Variants in SORT1 observed in about 807,000 individuals in gnomAD.
SORT1 encodes the protein sortilin 1.
Under a neutral mutation model 101.7 loss-of-function variants are expected in SORT1, and 39 were observed. The ratio of observed to expected loss-of-function variants is 0.38; its 90% CI spans 0.30 to 0.50. The LOEUF is 0.50. Among genes scored for constraint, SORT1 ranks in the 20% least tolerant of loss-of-function variants. SORT1 has a pLI of 0.90. For missense variants in SORT1, 878 were observed against 1,040.4 expected (o/e 0.84, Z 2.15); for synonymous variants, 396 against 393.7 (o/e 1.01, Z -0.07).
chr1:109,346,618 G>A (rs546195827), intron 7 of SORT1, among the ~76,000 whole-genome samples: 124 of 151,760 alleles, frequency 8.2e-4, no homozygotes, highest in African/African-American at 2.9e-3. Context: ...GGTGACAGGC[G>A]TCTGTAGTCC....
intron 15 of SORT1, among the ~76,000 whole-genome samples, chr1:109,318,930 C>G (rs544077684): frequency 6.6e-6 from 1 of 152,154 alleles, no homozygotes; most frequent in Non-Finnish European, 1.5e-5. Context: ...CAGGCGTGAA[C>G]CACTGTGCCT....
intron 3 of SORT1, among the ~76,000 whole-genome samples, chr1:109,363,289 T>A (rs970431629): frequency 1.3e-5 from 2 of 152,180 alleles, no homozygotes; most frequent in African/African-American, 4.8e-5. Flanking sequence ...CAAATTATCA[T>A]CTTAATTGTA....
rs372322263 is a variant in SORT1, at chr1:109,327,018, G to C, written c.1617C>G (p.His539Gln). The C allele has an allele frequency of 2.5e-6, 4 of 1,612,190 alleles. No individual in the cohort carries two copies. Among genetic ancestry groups the C allele is most frequent in the Non-Finnish European group, 3.4e-6 (4 of 1,179,892 alleles). Residue 539 changes from histidine (H) to glutamine (Q), a missense_variant, in exon 13 of 20, where the codon CAC becomes CAG. Physicochemically the swap from His to Gln is conservative, Grantham distance 24. Coordinates refer to ENST00000256637, the MANE Select transcript of SORT1 (RefSeq NM_002959.7). ...TAATCACATTGATAGGACGGCTGCT[G>C]TGCTCAATGGCCACAATGATGCCTC... is the stretch of plus-strand genomic sequence containing the variant. The part of the protein sequence containing the change: ...DSGGIIVAIE[H>Q]SSRPINVIKF...
At chr1:109,352,757 T>A (rs374865054) in intron 5 of SORT1, among the ~76,000 whole-genome samples, 1 of 152,186 alleles carries the variant, frequency 6.6e-6, no homozygotes, top group African/African-American at 2.4e-5. Flanking sequence ...CCCAATTATA[T>A]GTACTTCAGA....
chr1:109,355,603 AG>A (rs1209731477), intron 3 of SORT1, 134 bp from the exon 4 acceptor site: 6 of 512,100 alleles, frequency 1.2e-5, no homozygotes, highest in African/African-American at 1.2e-4. Flanking sequence ...CCACATTCCT[AG>A]CTCCAGAGGT....
intron 3 of SORT1, among the ~76,000 whole-genome samples, chr1:109,363,769 C>G (rs1458724915): frequency 6.6e-6 from 1 of 152,130 alleles, no homozygotes; most frequent in Non-Finnish European, 1.5e-5. Context: ...CTGTGAAAAA[C>G]AGAAAAATCT....
At chr1:109,375,298 C>G (rs1400535902) in intron 1 of SORT1, among the ~76,000 whole-genome samples, 2 of 152,054 alleles carry the variant, frequency 1.3e-5, no homozygotes, top group Admixed American at 1.3e-4. Flanking sequence ...CACGGTGGCT[C>G]ACGCCTGTAA....
intron 3 of SORT1, chr1:109,366,914 A>C (rs1651129650): frequency 6.6e-6 from 1 of 151,910 alleles, no homozygotes; most frequent in Non-Finnish European, 1.5e-5. Context: ...CCTGCTCAAA[A>C]AAAAAAAAAG....
chr1:109,336,812 GAA>G (rs11356350), intron 10 of SORT1, among the ~76,000 whole-genome samples: 166 of 135,530 alleles, frequency 1.2e-3, no homozygotes, highest in East Asian at 2.9e-3. Context: ...TCTTGTCTCA[GAA>G]AAAAAAAAAA....
At chr1:109,348,234 T>A (rs1649726936) in intron 6 of SORT1, among the ~76,000 whole-genome samples, 1 of 152,142 alleles carries the variant, frequency 6.6e-6, no homozygotes. Flanking sequence ...TGCAGGGAAC[T>A]AGATTCAGAC....
intron 3 of SORT1, among the ~76,000 whole-genome samples, chr1:109,363,957 T>C (rs966910636): frequency 1.7e-4 from 26 of 152,148 alleles, no homozygotes; most frequent in African/African-American, 6.3e-4. Flanking sequence ...GCCAGCCCAG[T>C]TGGAAAGGCA....
At position 109,313,539 on chromosome 1, in the gene SORT1, A is replaced by G. The variant is rs1658847569; in HGVS notation, c.*504T>C. ...GTTCTTGGAGTAGGACTGTCCCCAGATGGAGAAAAGCCGGCCAGGCTGTGC... is the reference window on the plus strand; with the variant it reads ...GTTCTTGGAGTAGGACTGTCCCCAGGTGGAGAAAAGCCGGCCAGGCTGTGC... On this transcript the variant is annotated 3_prime_UTR_variant, in exon 20 of 20. Coordinates refer to ENST00000256637, the MANE Select transcript of SORT1 (RefSeq NM_002959.7). 2 of 164,118 alleles carry G rather than the reference A, an allele frequency of 1.2e-5. No individual in the cohort carries two copies. Among genetic ancestry groups the G allele is most frequent in the Admixed American group, 1.2e-4 (2 of 17,264 alleles). 10.2% of individuals were successfully genotyped at this position (164,118 alleles called of 1,614,324 possible).
At chr1:109,347,150 C>A (rs569180616) in intron 7 of SORT1, among the ~76,000 whole-genome samples, 1 of 152,370 alleles carries the variant, frequency 6.6e-6, no homozygotes, top group East Asian at 1.9e-4. Flanking sequence ...GGGAAGCCAG[C>A]TGCTTCTGCA....
Position 109,324,964 on chromosome 1 carries a change from T to C in SORT1, c.1769A>G (p.Glu590Gly). Residue 590 changes from glutamate (E) to glycine (G), a missense_variant, in exon 14 of 20, where the codon GAA (glutamate) becomes GGA (glycine). Physicochemically the swap from Glu to Gly is moderately conservative, Grantham distance 98. This residue lies in a region of SORT1 where 684 missense variants were observed against 894.5 expected (regional missense o/e 0.76). Transcript: ENST00000256637. The stretch of plus-strand genomic sequence containing the variant: ...GACCCACTGGCTGGTCAGGAAAGAT[T>C]CTGTGAAGCCCCAAATGCTGATATT... Reference protein sequence around the residue: ...SMNISIWGFTESFLTSQWVSY... With the variant: ...SMNISIWGFTGSFLTSQWVSY... 6.2e-7 allele frequency: 1 copy of C among 1,613,852 alleles called. No individual in the cohort carries two copies. Among genetic ancestry groups the C allele is most frequent in the South Asian group, 1.1e-5 (1 of 91,074 alleles).
rs1651505692 is a variant in SORT1, at chr1:109,371,946, T to A, written c.307-2357A>T. 2.0e-5 allele frequency among the ~76,000 whole-genome samples: 3 copies of A among 152,172 alleles called. No individual in the cohort carries two copies. The South Asian group carries it at 6.2e-4, about 31-fold the overall frequency. On this transcript the variant is annotated intron_variant, in intron 1 of 19. Transcript: ENST00000256637. Reference sequence around the variant, plus strand: ...AATATTTCAGTCTCTAACATTCTTATACTGGTGAAAGTTAAAAAAGAAAAA... The same window carrying A: ...AATATTTCAGTCTCTAACATTCTTAAACTGGTGAAAGTTAAAAAAGAAAAA...
chr1:109,377,169 A>G (rs1651914691), intron 1 of SORT1, among the ~76,000 whole-genome samples: 1 of 152,188 alleles, frequency 6.6e-6, no homozygotes, highest in Non-Finnish European at 1.5e-5. Context: ...TGTAAACTAT[A>G]TGTACATGTA....
chr1:109,324,276 T>A (rs1306378023), intron 14 of SORT1, among the ~76,000 whole-genome samples: 1 of 152,044 alleles, frequency 6.6e-6, no homozygotes, highest in East Asian at 1.9e-4. Context: ...CCCGCCACCT[T>A]ACAGGCACCC....
intron 13 of SORT1, 30 bp from the exon 14 acceptor site, chr1:109,325,119 C>G: frequency 1.3e-6 from 2 of 1,524,032 alleles, no homozygotes; most frequent in Non-Finnish European, 1.8e-6. Context: ...AAGATCATGA[C>G]AGAGGATCAA....
intron 3 of SORT1, among the ~76,000 whole-genome samples, chr1:109,365,800 T>C (rs544379885): frequency 8.8e-4 from 134 of 152,294 alleles, no homozygotes; most frequent in African/African-American, 3.1e-3. Flanking sequence ...TAAAGGTATT[T>C]GCTGCCTCTC....
Sources: allele counts gnomAD v4.1 joint callset (sites outside exome capture counted in the v4.1 genomes callset), GRCh38; gene constraint gnomAD v4.1.1; regional missense constraint gnomAD v4.1.1; transcripts MANE v1.5; gene names NCBI Gene and HGNC (gene_info 2026-07-23, HGNC 2026-07-21).